ZFR2: variants seen among roughly 807,000 people sequenced by gnomAD.
ZFR2 encodes zinc finger RNA-binding protein 2.
In ZFR2, 104 loss-of-function variants were observed where a neutral mutation model predicts 105.7. That is an observed-to-expected ratio of 0.98 (90% CI 0.84 to 1.16). The LOEUF (loss-of-function observed/expected upper bound fraction) is 1.16, where lower values mean the gene tolerates loss of function less well. ZFR2 is among the 50% of genes most tolerant of loss of function. The pLI is 0.00. For missense variants in ZFR2, 1,425 were observed against 1,355.5 expected, an observed-to-expected ratio of 1.05 and a Z score of -0.80; for synonymous variants, 634 against 597.7, an observed-to-expected ratio of 1.06 and a Z score of -0.89.
chr19:3,831,878 C>A lies in ZFR2; in HGVS notation c.380G>T (p.Gly127Val). 6.4e-7 allele frequency: 1 copy of A among 1,567,482 alleles called. No individual in the cohort carries two copies. Among genetic ancestry groups the A allele is most frequent in the East Asian group, 2.3e-5 (1 of 44,396 alleles). The change falls in exon 4 of 19, where the codon GGG becomes GTG. Residue 127 changes from glycine (G) to valine (V), a missense_variant and splice_region_variant. Transcript: ENST00000262961. Reference protein sequence around the residue: ...RMTAADSGQPGTQEACGQPSP... With the variant: ...RMTAADSGQPVTQEACGQPSP... ...GGGCTGCCCGCAGGCTTCTTGGGTC[C>A]CTAGGGGACAGGGACAGGCCCTCTG... is the stretch of plus-strand genomic sequence containing the variant.
rs533918378 is a variant in ZFR2 at position 3,847,629 on chromosome 19, C to T, written c.54-12646G>A. On this transcript the variant is annotated intron_variant, in intron 1 of 18. Transcript: ENST00000262961. The stretch of plus-strand genomic sequence containing the variant: ...TTAATTAGAAGCGAATCACCGAATC[C>T]GACCTGCACACACGGGGAGAGGCTC... Among the ~76,000 whole-genome samples the T allele has an allele frequency of 5.3e-5, 8 of 152,298 alleles. No individual in the cohort carries two copies. The East Asian group carries it at 5.8e-4, about 11-fold the overall frequency.
At chr19:3,833,244 G>A (rs1481879879) in intron 3 of ZFR2, among the ~76,000 whole-genome samples, 36 of 122,162 alleles carry the variant, frequency 2.9e-4, no homozygotes, top group African/African-American at 7.3e-4. Flanking sequence ...GTGAGACTCC[G>A]TCTCAAAAAA....
chr19:3,810,933 G>C, intron 15 of ZFR2, 88 bp from the exon 16 acceptor site: 2 of 1,427,626 alleles, frequency 1.4e-6, no homozygotes. Context: ...GTGAACCCCA[G>C]GGAGGATAAT....
At position 3,806,035 on chromosome 19, in the gene ZFR2, G is replaced by A. The variant is rs552791449; in HGVS notation, c.2734C>T (p.Arg912Trp). The change falls in exon 19 of 19, where the codon CGG becomes TGG. Residue 912 changes from arginine to tryptophan, a missense_variant. Arg to Trp is a moderately radical substitution (Grantham distance 101). Transcript: ENST00000262961. ...PPRHRLGARFRKRQRGPGEGE... is the reference protein window; with the variant it reads ...PPRHRLGARFWKRQRGPGEGE... ...TCGCCAGGTCCCCGTTGCCTCTTCCGGAAGCGGGCCCCCAGCCGGTGTCTG... is the reference window on the plus strand; with the variant it reads ...TCGCCAGGTCCCCGTTGCCTCTTCCAGAAGCGGGCCCCCAGCCGGTGTCTG... The A allele has an allele frequency of 1.8e-5, 28 of 1,542,060 alleles. No individual in the cohort carries two copies. In the East Asian group the frequency reaches 4.2e-4, roughly 23 times the overall value.
At chr19:3,860,107 T>G (rs541563549) in intron 1 of ZFR2, among the ~76,000 whole-genome samples, 2 of 152,150 alleles carry the variant, frequency 1.3e-5, no homozygotes, top group Non-Finnish European at 2.9e-5. Flanking sequence ...CATAGTTCAC[T>G]GTGGCCTCAA....
chr19:3,823,679 AAT>A lies in ZFR2; in HGVS notation c.1214-278_1214-277del, dbSNP rs1431866088. On this transcript the variant is annotated intron_variant, in intron 7 of 18. Coordinates refer to ENST00000262961, the MANE Select transcript of ZFR2 (RefSeq NM_015174.2). The surrounding 1 kb of genome is among the most constrained non-coding windows in gnomAD (Gnocchi z 5.4). ...CTTGAGGAACCCACCGACAGCACAA[AAT>A]CCACAGTTAATAGACCATGAAGTAT... 1.3e-5 allele frequency among the ~76,000 whole-genome samples: 2 copies of A among 152,168 alleles called. No individual in the cohort carries two copies. Among genetic ancestry groups the A allele is most frequent in the Non-Finnish European group, 2.9e-5 (2 of 68,036 alleles).
chr19:3,825,474 C>T, intron 6 of ZFR2, 67 bp from the exon 7 acceptor site: 2 of 1,509,592 alleles, frequency 1.3e-6, no homozygotes, highest in East Asian at 2.5e-5. Context: ...TTTCAAGAGG[C>T]AGGAAGGGCC....
intron 1 of ZFR2, among the ~76,000 whole-genome samples, chr19:3,853,617 T>C (rs536178255): frequency 6.6e-6 from 1 of 152,156 alleles, no homozygotes; most frequent in East Asian, 1.9e-4. Context: ...CTACAGAATG[T>C]CCAGGAGAGG....
At position 3,821,966 on chromosome 19, in the gene ZFR2, C is replaced by T. The variant is rs977240983; in HGVS notation, c.1491+115G>A. The stretch of plus-strand genomic sequence containing the variant: ...TTGAAAACCCAGAAAATCACCCCTC[C>T]CTCTTAAGTTCGTCGGATCACACGC... On this transcript the variant is annotated intron_variant, in intron 9 of 18. Transcript: ENST00000262961. The T allele has an allele frequency of 5.0e-6, 7 of 1,412,092 alleles. No homozygotes were observed. The Admixed American group carries it at 1.1e-4, about 22-fold the overall frequency. The allele number at this position is 1,412,092 out of a possible 1,614,324, so 87.5% of individuals were successfully genotyped here. A position where few individuals can be genotyped will look rare whatever the true frequency, so the allele number is the denominator to read the frequency against.
intron 1 of ZFR2, among the ~76,000 whole-genome samples, chr19:3,865,847 TTTTG>T (rs1426434418): frequency 2.6e-5 from 4 of 151,824 alleles, no homozygotes; most frequent in African/African-American, 7.3e-5. Flanking sequence ...ATAGGTACTT[TTTTG>T]TTTGTTTGAG....
chr19:3,838,115 C>T lies in ZFR2; in HGVS notation c.54-3132G>A, dbSNP rs1024739982. ...CGATGAACACCGTGACCGTGACACT[C>T]GATGAACACCGTGACTGTGACACAC... On this transcript the variant is annotated intron_variant, in intron 1 of 18. Transcript: ENST00000262961. The surrounding 1 kb of genome is among the most constrained non-coding windows in gnomAD (Gnocchi z 4.9). 6.7e-6 allele frequency among the ~76,000 whole-genome samples: 1 copy of T among 149,500 alleles called. No homozygotes were observed. The highest frequency in any genetic ancestry group is 2.5e-5 in the African/African-American group (1 of 40,454).
chr19:3,809,667 G>C (rs146621933), intron 16 of ZFR2, among the ~76,000 whole-genome samples: 15 of 152,328 alleles, frequency 9.8e-5, no homozygotes, highest in African/African-American at 3.1e-4. Context: ...TGAAAGGTCC[G>C]GCGCGGTGGC....
intron 13 of ZFR2, among the ~76,000 whole-genome samples, chr19:3,815,909 G>A (rs953478274): frequency 8.6e-5 from 13 of 151,830 alleles, no homozygotes; most frequent in South Asian, 6.2e-4. Flanking sequence ...CCGCCACCAC[G>A]CCTGGCTAAT....
chr19:3,820,094 G>T lies in ZFR2; in HGVS notation c.1740+88C>A, dbSNP rs891858208. The T allele has an allele frequency of 3.1e-6, 4 of 1,307,784 alleles. No homozygotes were observed. In the East Asian group the frequency reaches 7.5e-5, roughly 25 times the overall value. 81.0% of individuals were successfully genotyped at this position (1,307,784 alleles called of 1,614,324 possible). On this transcript the variant is annotated intron_variant, in intron 11 of 18. Transcript: ENST00000262961. ...CCCCTGAGTACTATGTGGGAGTTGG[G>T]GGGAGGCCGGGTCCTCCCGAGGAGG...
Position 3,823,142 on chromosome 19 carries a change from G to T in ZFR2, c.1371+104C>A. On this transcript the variant is annotated intron_variant, in intron 8 of 18. Transcript: ENST00000262961. This position sits in a 1 kb window ranked among gnomAD's most constrained non-coding sequence, Gnocchi z 5.4. ...CCTGTGCAGCTCAGGAACGGGGATG[G>T]GTCTGTAAATCTCGCTGGGAGAAGC... is the stretch of plus-strand genomic sequence containing the variant. 3.3e-6 allele frequency: 5 copies of T among 1,519,530 alleles called. No homozygotes were observed. Among genetic ancestry groups the T allele is most frequent in the Non-Finnish European group, 4.5e-6 (5 of 1,107,720 alleles). The allele number at this position is 1,519,530 out of a possible 1,614,324, so 94.1% of individuals were successfully genotyped here. A position where few individuals can be genotyped will look rare whatever the true frequency, so the allele number is the denominator to read the frequency against.
chr19:3,822,255 G>T lies in ZFR2; in HGVS notation c.1372-55C>A, dbSNP rs549626972. ...AGGCACGAGGCGGGGTGGGATGTGA[G>T]ATGCTACCGCTGCCAGGTCGCGGCG... is the stretch of plus-strand genomic sequence containing the variant. On this transcript the variant is annotated intron_variant, in intron 8 of 18. Transcript: ENST00000262961. 6 of 1,538,276 alleles carry T rather than the reference G, an allele frequency of 3.9e-6. No homozygotes were observed. In the East Asian group the frequency reaches 1.5e-4, roughly 38 times the overall value.
intron 1 of ZFR2, among the ~76,000 whole-genome samples, chr19:3,840,096 G>A (rs1201238130): frequency 2.0e-5 from 3 of 152,084 alleles, no homozygotes; most frequent in Non-Finnish European, 2.9e-5. Flanking sequence ...GAGTCCACAC[G>A]GTTCACTGAT....
At chr19:3,816,979 G>A in intron 12 of ZFR2, 134 bp from the exon 13 acceptor site, 1 of 812,052 alleles carries the variant, frequency 1.2e-6, no homozygotes, top group South Asian at 1.8e-5. Context: ...TCCATGAAAT[G>A]GGACCAGGCC....
intron 9 of ZFR2, among the ~76,000 whole-genome samples, 155 bp from the exon 10 acceptor site, chr19:3,821,634 A>G (rs2037895020): frequency 3.4e-5 from 4 of 116,610 alleles, no homozygotes; most frequent in Admixed American, 1.2e-4. Flanking sequence ...TTTTTTCGAG[A>G]CAGAGTCTTG....
Sources: gnomAD v4.1 joint callset for allele counts (sites outside exome capture counted in the v4.1 genomes callset) on GRCh38, gnomAD v4.1.1 for gene constraint, Gnocchi (gnomAD v3.1) non-coding constraint, MANE v1.5 for transcripts, NCBI Gene and HGNC (gene_info 2026-07-23, HGNC 2026-07-21) for gene names.